The following LMTK2 variants were observed in gnomAD, a reference collection of about 807,000 sequenced individuals.
LMTK2 encodes the protein lemur tail kinase 2.
A neutral mutation model predicts 127.5 loss-of-function variants in LMTK2; 37 were observed. The ratio of observed to expected loss-of-function variants is 0.29; its 90% CI spans 0.22 to 0.38. The LOEUF is 0.38. LMTK2 is among the 10% of genes least tolerant of loss of function. LMTK2 has a pLI of 1.00. For synonymous variants in LMTK2, 819 were observed against 810.1 expected, an observed-to-expected ratio of 1.01 and a Z score of -0.19; for missense variants, 1,694 against 1,920.3, an observed-to-expected ratio of 0.88 and a Z score of 2.20.
chr7:98,160,545 T>A (rs1797001801), intron 6 of LMTK2, among the ~76,000 whole-genome samples: 1 of 152,214 alleles, frequency 6.6e-6, no homozygotes, highest in Non-Finnish European at 1.5e-5. Flanking sequence ...TTTTCGTGCC[T>A]GTAGATGCTG....
intron 7 of LMTK2, among the ~76,000 whole-genome samples, chr7:98,180,316 T>C (rs1164463727): frequency 1.3e-5 from 2 of 152,276 alleles, no homozygotes; most frequent in African/African-American, 4.8e-5. Context: ...ACATACATTT[T>C]GCACTATGGA....
intron 1 of LMTK2, among the ~76,000 whole-genome samples, chr7:98,130,154 G>A (rs1211347441): frequency 6.6e-6 from 1 of 152,118 alleles, no homozygotes; most frequent in Non-Finnish European, 1.5e-5. Flanking sequence ...TGGAGAGAGG[G>A]TCATCATAGC....
chr7:98,193,164 A>G lies in LMTK2; in HGVS notation c.2699A>G (p.Asp900Gly). 1 of 1,613,486 alleles carries G rather than the reference A, an allele frequency of 6.2e-7. No homozygotes were observed. ...SEETLRLTES[D>G]SVLADDILAS... ...GAGACCCTGCGACTCACCGAAAGTG[A>G]CTCTGTTCTTGCTGATGACATCCTT... The change falls in exon 11 of 14, where the codon GAC (aspartate) becomes GGC (glycine). Residue 900 changes from aspartate to glycine, a missense_variant. Physicochemically the swap from Asp to Gly is moderately conservative, Grantham distance 94 (BLOSUM62 -1). Around this residue, in one of 8 missense-constraint regions of LMTK2, gnomAD observed 527 missense variants for 539.8 expected, o/e 0.98. Coordinates refer to ENST00000297293, the MANE Select transcript of LMTK2 (RefSeq NM_014916.4). This position sits in a 1 kb window ranked among gnomAD's most constrained non-coding sequence, Gnocchi z 4.1.
chr7:98,127,641 GA>G (rs1796462045), intron 1 of LMTK2, among the ~76,000 whole-genome samples: 1 of 152,212 alleles, frequency 6.6e-6, no homozygotes, highest in African/African-American at 2.4e-5. Context: ...CTGCCAGTGG[GA>G]TTGGCTTTCT....
rs558677006 is a variant in LMTK2, at chr7:98,197,713, G to A, written c.4107+3141G>A. Among the ~76,000 whole-genome samples, 4 of 152,132 alleles carry A rather than the reference G, an allele frequency of 2.6e-5. No individual in the cohort carries two copies. In the South Asian group the frequency reaches 8.3e-4, roughly 32 times the overall value. On this transcript the variant is annotated intron_variant, in intron 11 of 13. Transcript: ENST00000297293. ...AAAAATTGGCCAGTTGTGGTGGCCC[G>A]CACCTATAGTCTCACCTGCTCAGGA...
intron 1 of LMTK2, among the ~76,000 whole-genome samples, chr7:98,134,392 C>G (rs1189845460): frequency 6.6e-6 from 1 of 152,144 alleles, no homozygotes; most frequent in East Asian, 1.9e-4. Flanking sequence ...TTTTTATTCT[C>G]CCTTACAATC....
At chr7:98,172,302 CTTTTT>C (rs397948033) in intron 7 of LMTK2, among the ~76,000 whole-genome samples, 3 of 127,844 alleles carry the variant, frequency 2.3e-5, no homozygotes, top group Non-Finnish European at 3.3e-5. Flanking sequence ...GACCATAGTT[CTTTTT>C]TTTTTTTTTT....
chr7:98,159,819 T>G (rs1453744227), intron 6 of LMTK2, among the ~76,000 whole-genome samples: 3 of 152,188 alleles, frequency 2.0e-5, no homozygotes, highest in Admixed American at 6.5e-5. Flanking sequence ...CTTGAAACAC[T>G]TTAACCCCCT....
intron 11 of LMTK2, among the ~76,000 whole-genome samples, chr7:98,197,495 G>C (rs1232520469): frequency 6.6e-6 from 1 of 152,198 alleles, no homozygotes; most frequent in Admixed American, 6.5e-5. Context: ...AAAGTAGCGG[G>C]TAATGATGCT....
At chr7:98,183,266 A>G (rs1005403622) in intron 7 of LMTK2, among the ~76,000 whole-genome samples, 1 of 152,230 alleles carries the variant, frequency 6.6e-6, no homozygotes. Flanking sequence ...GTCTCATAAG[A>G]AACATTTACA....
At chr7:98,173,573 T>A (rs1276436589) in intron 7 of LMTK2, among the ~76,000 whole-genome samples, 1 of 152,228 alleles carries the variant, frequency 6.6e-6, no homozygotes, top group Non-Finnish European at 1.5e-5. Flanking sequence ...ATCAGCAATG[T>A]AAAATTATCA....
Position 98,193,870 on chromosome 7 carries a change from C to T in LMTK2, c.3405C>T (p.Pro1135=). 6.2e-7 allele frequency: 1 copy of T among 1,614,050 alleles called. No individual in the cohort carries two copies. Among genetic ancestry groups the T allele is most frequent in the Non-Finnish European group, 8.5e-7 (1 of 1,180,018 alleles). Residue 1135 remains proline, a synonymous_variant, in exon 11 of 14, where the codon CCC becomes CCT. Transcript: ENST00000297293. This position sits in a 1 kb window ranked among gnomAD's most constrained non-coding sequence, Gnocchi z 4.1. ...PSALVLVQEQ[P]LPEPVLPEQS... ...CCTTGGTGTTGGTACAGGAGCAGCCCCTACCCGAGCCAGTCCTCCCCGAGC... is the reference window on the plus strand; with the variant it reads ...CCTTGGTGTTGGTACAGGAGCAGCCTCTACCCGAGCCAGTCCTCCCCGAGC...
intron 7 of LMTK2, among the ~76,000 whole-genome samples, chr7:98,183,634 C>T (rs755519428): frequency 1.3e-5 from 2 of 152,166 alleles, no homozygotes; most frequent in Non-Finnish European, 2.9e-5. Context: ...ATGTGTTCCA[C>T]CTGCCTCAGC....
At position 98,208,167 on chromosome 7, in the gene LMTK2, T is replaced by C. The variant is rs1179095176; in HGVS notation, c.*2675T>C. The C allele has an allele frequency of 6.6e-6, 1 of 152,056 alleles. No homozygotes were observed. Among genetic ancestry groups the C allele is most frequent in the Non-Finnish European group, 1.5e-5 (1 of 68,002 alleles). The allele number at this position is 152,056 out of a possible 1,614,324, so 9.4% of individuals were successfully genotyped here. On this transcript the variant is annotated 3_prime_UTR_variant, in exon 14 of 14. Coordinates refer to ENST00000297293, the MANE Select transcript of LMTK2 (RefSeq NM_014916.4). ...CCCATTTTTATTTATTTTGAGTCAC[T>C]CATAATTAATTGCCAAAAAAGCATT...
At chr7:98,126,621 T>C (rs907413482) in intron 1 of LMTK2, 9 of 152,246 alleles carry the variant, frequency 5.9e-5, no homozygotes, top group African/African-American at 2.2e-4. Flanking sequence ...CCGTGCTGCC[T>C]TAGATGAGCT....
At chr7:98,169,990 T>C (rs544121369) in intron 6 of LMTK2, among the ~76,000 whole-genome samples, 1 of 152,336 alleles carries the variant, frequency 6.6e-6, no homozygotes, top group East Asian at 1.9e-4. Flanking sequence ...CCCCAGCAGA[T>C]TGATAGGATT....
intron 1 of LMTK2, among the ~76,000 whole-genome samples, chr7:98,110,057 A>G (rs1438013401): frequency 6.6e-6 from 1 of 152,138 alleles, no homozygotes; most frequent in Non-Finnish European, 1.5e-5. Flanking sequence ...ACTTTCAAAT[A>G]AGGATAGACC....
At chr7:98,164,325 A>G (rs890978706) in intron 6 of LMTK2, among the ~76,000 whole-genome samples, 4 of 152,344 alleles carry the variant, frequency 2.6e-5, no homozygotes, top group South Asian at 4.1e-4. Context: ...TGGATTGAGC[A>G]AATTCGAAGT....
At chr7:98,144,726 C>T (rs1466297868) in intron 3 of LMTK2, among the ~76,000 whole-genome samples, 1 of 151,008 alleles carries the variant, frequency 6.6e-6, no homozygotes, top group Non-Finnish European at 1.5e-5. Context: ...TGTCCCCACC[C>T]ACACACATGC....
Sources: gnomAD v4.1 joint callset for allele counts (sites outside exome capture counted in the v4.1 genomes callset) on GRCh38, gnomAD v4.1.1 for gene constraint, gnomAD v4.1.1 regional missense constraint, Gnocchi (gnomAD v3.1) non-coding constraint, MANE v1.5 for transcripts, NCBI Gene and HGNC (gene_info 2026-07-23, HGNC 2026-07-21) for gene names.